Variants in PPP5C observed in about 807,000 individuals in gnomAD.
PPP5C encodes the protein serine/threonine-protein phosphatase 5.
A neutral mutation model predicts 66.7 loss-of-function variants in PPP5C; 21 were observed. The ratio of observed to expected loss-of-function variants is 0.31; its 90% CI spans 0.22 to 0.45. The LOEUF (loss-of-function observed/expected upper bound fraction) is 0.45, where lower values mean the gene tolerates loss of function less well. Ranked by LOEUF, PPP5C falls within the 20% of genes least tolerant of loss-of-function variation. The probability of loss-of-function intolerance (pLI) is 1.00; values close to 1 mark genes in which losing one functional copy is unlikely to be tolerated. For missense variants in PPP5C, 464 were observed against 675.9 expected (o/e 0.69, Z 3.48); for synonymous variants, 246 against 257.4 (o/e 0.96, Z 0.43).
At chr19:46,386,976 T>A (rs910607488) in intron 7 of PPP5C, 117 bp from the exon 8 acceptor site, 5 of 1,447,458 alleles carry the variant, frequency 3.5e-6, no homozygotes, top group Non-Finnish European at 4.7e-6. Context: ...CAGTGGCAAG[T>A]GCGAGGCCCA....
chr19:46,383,319 C>T lies in PPP5C; in HGVS notation c.634-92C>T. 1.9e-6 allele frequency: 3 copies of T among 1,560,520 alleles called. No individual in the cohort carries two copies. Among genetic ancestry groups the T allele is most frequent in the Non-Finnish European group, 2.6e-6 (3 of 1,152,736 alleles). Reference sequence around the variant, plus strand: ...TCCCTGCTTCTCCCTCGCCCTCAGCCCAGCAGCGTCTCATGGGCAGTCCAG... The same window carrying T: ...TCCCTGCTTCTCCCTCGCCCTCAGCTCAGCAGCGTCTCATGGGCAGTCCAG... On this transcript the variant is annotated intron_variant, in intron 4 of 12. Transcript: ENST00000012443. The surrounding 1 kb of genome is among the most constrained non-coding windows in gnomAD (Gnocchi z 5.0).
intron 6 of PPP5C, chr19:46,384,088 C>T (rs1195388154): frequency 3.5e-6 from 2 of 571,858 alleles, no homozygotes; most frequent in Non-Finnish European, 6.2e-6. Context: ...CCAGCACCCA[C>T]CTGCTGTGTG....
In PPP5C at chr19:46,383,233, C is replaced by T. The variant is rs558209897; in HGVS notation, c.634-178C>T. 1.7e-4 allele frequency: 268 copies of T among 1,537,522 alleles called. 2 individuals are homozygous for T. Among genetic ancestry groups the T allele is most frequent in the South Asian group, 1.1e-3 (95 of 83,168 alleles). On this transcript the variant is annotated intron_variant, in intron 4 of 12. Coordinates refer to ENST00000012443, the MANE Select transcript of PPP5C (RefSeq NM_006247.4). This position sits in a 1 kb window ranked among gnomAD's most constrained non-coding sequence, Gnocchi z 5.0. ...GCACTGCACAGGCCACAGAAGCCTGCGGCTGCCTCCGGCCCCGCCTGCTCC... is the reference window on the plus strand; with the variant it reads ...GCACTGCACAGGCCACAGAAGCCTGTGGCTGCCTCCGGCCCCGCCTGCTCC...
Position 46,366,527 on chromosome 19 carries a change from G to A in PPP5C, c.364-9077G>A, listed in dbSNP as rs537276864. 4.3e-4 allele frequency among the ~76,000 whole-genome samples: 66 copies of A among 151,930 alleles called. 1 individual carries two copies. Among genetic ancestry groups the A allele is most frequent in the Non-Finnish European group, 2.2e-4 (15 of 67,986 alleles). On this transcript the variant is annotated intron_variant, in intron 2 of 12. Coordinates refer to ENST00000012443, the MANE Select transcript of PPP5C (RefSeq NM_006247.4). Reference sequence around the variant, plus strand: ...TGCCTGGCTAATTTTTTTCTTTATCGTAGAGATGGGGTCTTGCTGTGTTCC... The same window carrying A: ...TGCCTGGCTAATTTTTTTCTTTATCATAGAGATGGGGTCTTGCTGTGTTCC...
rs2147412313 is a variant in PPP5C, at chr19:46,390,616, C to T, written c.*270C>T. 13 of 1,252,450 alleles carry T rather than the reference C, an allele frequency of 1.0e-5. No individual in the cohort carries two copies. Among genetic ancestry groups the T allele is most frequent in the Middle Eastern group, 3.4e-4 (1 of 2,984 alleles). 77.6% of individuals were successfully genotyped at this position (1,252,450 alleles called of 1,614,324 possible). Reference sequence around the variant, plus strand: ...GGGCATTCTGTGGGGAGGCCGTCCTCGGGGTGGGGTGGGGCCGAGTGGCTG... The same window carrying T: ...GGGCATTCTGTGGGGAGGCCGTCCTTGGGGTGGGGTGGGGCCGAGTGGCTG... On this transcript the variant is annotated 3_prime_UTR_variant, in exon 13 of 13. Transcript: ENST00000012443.
chr19:46,387,260 G>T (rs1972906208), intron 8 of PPP5C, 25 bp downstream of exon 8: 1 of 1,613,962 alleles, frequency 6.2e-7, no homozygotes. Flanking sequence ...AGCCCTGAGT[G>T]TGGGTTCCCC....
chr19:46,363,550 C>T (rs973950379), intron 2 of PPP5C, among the ~76,000 whole-genome samples: 17 of 151,442 alleles, frequency 1.1e-4, no homozygotes, highest in African/African-American at 4.1e-4. Context: ...CTGCCTCAGC[C>T]TCCAAGTAGC....
intron 1 of PPP5C, 79 bp downstream of exon 1, chr19:46,347,296 G>A: frequency 2.7e-6 from 4 of 1,487,680 alleles, no homozygotes; most frequent in African/African-American, 1.4e-5. Context: ...TAGCAACGCG[G>A]AGCTGCAGCC....
At position 46,387,431 on chromosome 19, in the gene PPP5C, G is replaced by T. The variant is rs1391943551; in HGVS notation, c.1113G>T (p.Arg371=). ...VTLDDIRKIE[R]NRQPPDSGPM... Reference sequence around the variant, plus strand: ...TGGATGACATCCGGAAAATTGAGCGGAATCGACAACCCCCAGATTCAGGTG... The same window carrying T: ...TGGATGACATCCGGAAAATTGAGCGTAATCGACAACCCCCAGATTCAGGTG... The change falls in exon 9 of 13, where the codon CGG becomes CGT. Residue 371 remains arginine, a synonymous_variant. Coordinates refer to ENST00000012443, the MANE Select transcript of PPP5C (RefSeq NM_006247.4). 2.5e-6 allele frequency: 4 copies of T among 1,613,602 alleles called. No homozygotes were observed. The highest frequency in any genetic ancestry group is 4.5e-5 in the East Asian group (2 of 44,876).
At chr19:46,374,989 C>A (rs1351744636) in intron 2 of PPP5C, among the ~76,000 whole-genome samples, 1 of 152,312 alleles carries the variant, frequency 6.6e-6, no homozygotes, top group South Asian at 2.1e-4. Context: ...TGTCCTGGGC[C>A]TCCCCAGAGT....
intron 2 of PPP5C, among the ~76,000 whole-genome samples, chr19:46,372,213 T>G (rs770201250): frequency 1.4e-4 from 21 of 150,930 alleles, no homozygotes; most frequent in Admixed American, 7.9e-4. Context: ...TTTGTTTTGG[T>G]TTTTTTTTGA....
intron 2 of PPP5C, among the ~76,000 whole-genome samples, chr19:46,359,694 A>G (rs571187452): frequency 6.6e-6 from 1 of 152,270 alleles, no homozygotes; most frequent in African/African-American, 2.4e-5. Context: ...CTTTATTTGC[A>G]TAAAGTACAG....
Position 46,390,568 on chromosome 19 carries a change from A to T in PPP5C, c.*222A>T. The T allele has an allele frequency of 7.2e-7, 1 of 1,381,862 alleles. No homozygotes were observed. Among genetic ancestry groups the T allele is most frequent in the Non-Finnish European group, 9.4e-7 (1 of 1,064,080 alleles). The allele number at this position is 1,381,862 out of a possible 1,614,324, so 85.6% of individuals were successfully genotyped here. On this transcript the variant is annotated 3_prime_UTR_variant, in exon 13 of 13. Coordinates refer to ENST00000012443, the MANE Select transcript of PPP5C (RefSeq NM_006247.4). ...TGGACAGAGAGGAAGGAGGTGGAGC[A>T]GCTGGGGCTGGGGGCACAGCCTGGG...
chr19:46,380,325 A>T (rs1394099238), intron 4 of PPP5C, among the ~76,000 whole-genome samples: 1 of 89,774 alleles, frequency 1.1e-5, no homozygotes, highest in East Asian at 2.2e-4. Flanking sequence ...ATCTCAAAAG[A>T]AAAAAAAAAA....
chr19:46,375,626 A>G lies in PPP5C; in HGVS notation c.386A>G (p.Asp129Gly). The change falls in exon 3 of 13, where the codon GAC becomes GGC. Residue 129 changes from aspartate (D) to glycine (G), a missense_variant. By Grantham distance (94) the Asp-to-Gly change is moderately conservative. This residue lies in a region of PPP5C where 387 missense variants were observed against 626.0 expected (regional missense o/e 0.62). Transcript: ENST00000012443. ...CAGGTGGTCAAGGTGAAGCCCCATG[A>G]CAAGGATGCCAAAATGAAATACCAG... ...YETVVKVKPH[D>G]KDAKMKYQEC... is the part of the protein sequence containing the mutation. 6.2e-7 allele frequency: 1 copy of G among 1,614,078 alleles called. No individual in the cohort carries two copies. Among genetic ancestry groups the G allele is most frequent in the Non-Finnish European group, 8.5e-7 (1 of 1,179,966 alleles).
intron 1 of PPP5C, among the ~76,000 whole-genome samples, chr19:46,350,020 G>A (rs1470077469): frequency 1.3e-5 from 2 of 151,894 alleles, no homozygotes; most frequent in African/African-American, 4.8e-5. Context: ...TCTGGGGTGG[G>A]GTGGCGGTGG....
intron 2 of PPP5C, among the ~76,000 whole-genome samples, chr19:46,361,883 A>G (rs745364674): frequency 1.3e-5 from 2 of 152,184 alleles, no homozygotes; most frequent in African/African-American, 2.4e-5. Flanking sequence ...AAACAAATCT[A>G]TCCAATCTCA....
At chr19:46,379,193 A>G (rs2147393543) in intron 4 of PPP5C, among the ~76,000 whole-genome samples, 1 of 152,330 alleles carries the variant, frequency 6.6e-6, no homozygotes, top group African/African-American at 2.4e-5. Flanking sequence ...AGCTGGGACT[A>G]CAGGTGTGCA....
chr19:46,380,262 G>A (rs1972767491), intron 4 of PPP5C, among the ~76,000 whole-genome samples: 1 of 152,042 alleles, frequency 6.6e-6, no homozygotes, highest in South Asian at 2.1e-4. Context: ...GGAGGTTGCA[G>A]TGAGCCAAGG....
Sources: allele counts gnomAD v4.1 joint callset (sites outside exome capture counted in the v4.1 genomes callset), GRCh38; gene constraint gnomAD v4.1.1; regional missense constraint gnomAD v4.1.1; non-coding constraint Gnocchi (gnomAD v3.1); transcripts MANE v1.5; gene names NCBI Gene and HGNC (gene_info 2026-07-23, HGNC 2026-07-21).